Variants in OPCML observed in about 807,000 individuals in gnomAD.
OPCML encodes the protein opioid binding protein/cell adhesion molecule like.
In OPCML, 13 loss-of-function variants were observed where a neutral mutation model predicts 37.8. The ratio of observed to expected loss-of-function variants is 0.34; its 90% CI spans 0.22 to 0.55. The LOEUF is 0.55. OPCML is among the 20% of genes least tolerant of loss of function. The pLI, the probability that OPCML is intolerant of heterozygous loss-of-function variation, is 0.91. For synonymous variants in OPCML, 176 were observed against 168.8 expected (o/e 1.04, Z -0.33); for missense variants, 341 against 435.6 (o/e 0.78, Z 1.93).
intron 3 of OPCML, among the ~76,000 whole-genome samples, chr11:132,615,724 A>G (rs1274583614): frequency 1.3e-5 from 2 of 152,194 alleles, no homozygotes; most frequent in South Asian, 4.1e-4. Flanking sequence ...CCAGTGCTGC[A>G]TTGATACCGA....
intron 1 of OPCML, among the ~76,000 whole-genome samples, chr11:133,125,661 T>G (rs915967343): frequency 9.9e-6 from 1 of 100,570 alleles, no homozygotes; most frequent in African/African-American, 3.1e-5. Context: ...TATATATACA[T>G]GTATATAGTA....
At position 132,418,159 on chromosome 11, in the gene OPCML, A is replaced by G. The variant is rs2095944952; in HGVS notation, c.*2034T>C. 1.3e-5 allele frequency: 2 copies of G among 152,248 alleles called. No individual in the cohort carries two copies. Among genetic ancestry groups the G allele is most frequent in the African/African-American group, 4.8e-5 (2 of 41,466 alleles). The allele number at this position is 152,248 out of a possible 1,614,324, so 9.4% of individuals were successfully genotyped here. A position where few individuals can be genotyped will look rare whatever the true frequency, so the allele number is the denominator to read the frequency against. On this transcript the variant is annotated 3_prime_UTR_variant, in exon 8 of 8. Transcript: ENST00000524381. ...ACACTGATACCAGAGGAAGAAGACC[A>G]GTTAAGCATTAAGGGCACAGAATTC...
intron 2 of OPCML, among the ~76,000 whole-genome samples, chr11:132,889,189 G>A (rs1943544792): frequency 6.6e-6 from 1 of 152,226 alleles, no homozygotes; most frequent in Admixed American, 6.5e-5. Flanking sequence ...AAGCTGATTT[G>A]CTTAAGGTAA....
intron 2 of OPCML, among the ~76,000 whole-genome samples, chr11:132,713,888 T>A (rs187191814): frequency 6.6e-6 from 1 of 152,348 alleles, no homozygotes; most frequent in African/African-American, 2.4e-5. Context: ...ATGAAAATGA[T>A]CCCCTTTCCT....
intron 1 of OPCML, among the ~76,000 whole-genome samples, chr11:133,443,277 G>A (rs1037172669): frequency 2.6e-5 from 4 of 152,204 alleles, no homozygotes; most frequent in African/African-American, 9.6e-5. Flanking sequence ...GCACCTTTCT[G>A]TTTTAGGAAA....
At chr11:133,464,020 C>T (rs1323173667) in intron 1 of OPCML, among the ~76,000 whole-genome samples, 1 of 151,904 alleles carries the variant, frequency 6.6e-6, no homozygotes, top group Non-Finnish European at 1.5e-5. Context: ...ATGCTTTCAA[C>T]ATCTTGGTGC....
At chr11:132,809,484 G>A (rs1939203615) in intron 2 of OPCML, among the ~76,000 whole-genome samples, 1 of 152,098 alleles carries the variant, frequency 6.6e-6, no homozygotes, top group South Asian at 2.1e-4. Flanking sequence ...GTTCATGTGG[G>A]TGTACGGAGC....
chr11:132,636,687 A>T (rs1315183402), intron 3 of OPCML, among the ~76,000 whole-genome samples: 1 of 152,178 alleles, frequency 6.6e-6, no homozygotes, highest in East Asian at 1.9e-4. Context: ...ACTTCATTCA[A>T]CCCCTTCAGG....
chr11:132,776,032 T>G (rs1946798742), intron 2 of OPCML, among the ~76,000 whole-genome samples: 1 of 152,128 alleles, frequency 6.6e-6, no homozygotes, highest in Non-Finnish European at 1.5e-5. Flanking sequence ...TGGGTTCCAG[T>G]GATTCTCCCA....
chr11:133,476,769 G>A lies in OPCML; in HGVS notation c.61+55495C>T, dbSNP rs115017072. Among the ~76,000 whole-genome samples, 340 of 152,268 alleles carry A rather than the reference G, an allele frequency of 2.2e-3. 1 individual carries two copies. The highest frequency in any genetic ancestry group is 7.7e-3 in the African/African-American group (319 of 41,566). On this transcript the variant is annotated intron_variant, in intron 1 of 7. Transcript: ENST00000524381. Reference sequence around the variant, plus strand: ...CAGGGCAAGCAGTGAGAAGCACCCCGGAGGGCCGGTAGTTTTGGCCCATTT... The same window carrying A: ...CAGGGCAAGCAGTGAGAAGCACCCCAGAGGGCCGGTAGTTTTGGCCCATTT...
At chr11:133,017,421 G>C (rs753556076) in intron 1 of OPCML, among the ~76,000 whole-genome samples, 1 of 150,224 alleles carries the variant, frequency 6.7e-6, no homozygotes, top group Non-Finnish European at 1.5e-5. Context: ...TTTTTGAGAT[G>C]AAGTCTCGCT....
intron 1 of OPCML, among the ~76,000 whole-genome samples, chr11:133,268,531 T>C (rs932221212): frequency 2.0e-5 from 3 of 152,242 alleles, no homozygotes; most frequent in Non-Finnish European, 2.9e-5. Context: ...AAATAATGAA[T>C]GCTAGGAAGC....
intron 1 of OPCML, among the ~76,000 whole-genome samples, chr11:133,081,723 T>A (rs180941151): frequency 2.1e-4 from 32 of 152,204 alleles, no homozygotes; most frequent in East Asian, 1.7e-3. Flanking sequence ...GTGGGGTACA[T>A]CAATGGTACT....
At chr11:132,442,389 G>T (rs989925780) in intron 4 of OPCML, among the ~76,000 whole-genome samples, 1 of 152,110 alleles carries the variant, frequency 6.6e-6, no homozygotes, top group Non-Finnish European at 1.5e-5. Flanking sequence ...ATGTCCTTTT[G>T]TGCCAGCGAT....
intron 1 of OPCML, among the ~76,000 whole-genome samples, chr11:133,138,075 TGGATTCCTCATG>T (rs1949717669): frequency 1.3e-5 from 2 of 151,978 alleles, no homozygotes; most frequent in African/African-American, 4.8e-5. Flanking sequence ...GTCCTGGGGG[TGGATTCCTCATG>T]AATAGATTAA....
chr11:132,601,303 A>T (rs1223833097), intron 3 of OPCML, among the ~76,000 whole-genome samples: 1 of 151,994 alleles, frequency 6.6e-6, no homozygotes, highest in Admixed American at 6.6e-5. Flanking sequence ...CCAGGACTGT[A>T]TAGAGCTCCC....
chr11:132,611,290 C>T (rs1488694063), intron 3 of OPCML, among the ~76,000 whole-genome samples: 1 of 152,108 alleles, frequency 6.6e-6, no homozygotes, highest in Non-Finnish European at 1.5e-5. Flanking sequence ...TGCTGTAGCT[C>T]CGCTGGTCTC....
chr11:132,564,379 T>G (rs1005861745), intron 3 of OPCML, among the ~76,000 whole-genome samples: 1 of 152,168 alleles, frequency 6.6e-6, no homozygotes, highest in African/African-American at 2.4e-5. Flanking sequence ...TTAACATCAC[T>G]CTACAAGAGG....
intron 1 of OPCML, among the ~76,000 whole-genome samples, chr11:133,149,424 G>A (rs192610543): frequency 2.6e-5 from 4 of 152,292 alleles, no homozygotes; most frequent in Admixed American, 1.3e-4. Flanking sequence ...TAAAAGGAGA[G>A]GCCCCAGGCA....
Sources: gnomAD v4.1 joint callset for allele counts (sites outside exome capture counted in the v4.1 genomes callset) on GRCh38, gnomAD v4.1.1 for gene constraint, MANE v1.5 for transcripts, NCBI Gene and HGNC (gene_info 2026-07-23, HGNC 2026-07-21) for gene names.